The following IMPA2 variants were observed in gnomAD, a reference collection of about 807,000 sequenced individuals.
The protein encoded by IMPA2 is IMP 2.
In IMPA2, 32 loss-of-function variants were observed where a neutral mutation model predicts 35.1. The ratio of observed to expected loss-of-function variants is 0.91; its 90% CI spans 0.69 to 1.23. IMPA2 has a LOEUF of 1.23. Ranked by LOEUF, IMPA2 falls within the 50% of genes most tolerant of loss-of-function variation. The pLI, the probability that IMPA2 is intolerant of heterozygous loss-of-function variation, is 0.00. For synonymous variants in IMPA2, 135 were observed against 160.6 expected, an observed-to-expected ratio of 0.84 and a Z score of 1.20; for missense variants, 334 against 387.6, an observed-to-expected ratio of 0.86 and a Z score of 1.16.
At chr18:11,984,564 A>T (rs987772801) in intron 1 of IMPA2, among the ~76,000 whole-genome samples, 6 of 152,298 alleles carry the variant, frequency 3.9e-5, no homozygotes, top group African/African-American at 4.8e-5. Context: ...ACTTTGCCAG[A>T]TGTGGTGGCT....
chr18:12,016,376 A>G (rs2143813098), intron 5 of IMPA2, among the ~76,000 whole-genome samples: 1 of 150,824 alleles, frequency 6.6e-6, no homozygotes, highest in African/African-American at 2.4e-5. Context: ...CTTCAGCAGC[A>G]CGGTCTCTTG....
intron 1 of IMPA2, among the ~76,000 whole-genome samples, chr18:11,984,621 C>T (rs987611367): frequency 6.6e-6 from 1 of 152,018 alleles, no homozygotes; most frequent in Non-Finnish European, 1.5e-5. Flanking sequence ...TTGTGGATCA[C>T]CTGAGGTCGG....
Position 12,018,670 on chromosome 18 carries a change from T to A in IMPA2, c.490+4297T>A, listed in dbSNP as rs528733812. ...AATAATATATTTTTATGGGAACTAATCATATTTTCCAAAATAAGAAAGCTT... is the reference window on the plus strand; with the variant it reads ...AATAATATATTTTTATGGGAACTAAACATATTTTCCAAAATAAGAAAGCTT... On this transcript the variant is annotated intron_variant, in intron 5 of 7. Transcript: ENST00000269159. Among the ~76,000 whole-genome samples, 130 of 152,320 alleles carry A rather than the reference T, an allele frequency of 8.5e-4. 1 individual carries two copies. The highest frequency in any genetic ancestry group is 1.6e-3 in the Non-Finnish European group (109 of 68,028).
chr18:12,014,355 C>T lies in IMPA2; in HGVS notation c.472C>T (p.Arg158Trp), dbSNP rs147766046. 3.8e-4 allele frequency: 610 copies of T among 1,595,476 alleles called. 2 individuals carry two copies. In the African/African-American group the frequency reaches 6.4e-3, roughly 17 times the overall value. The change falls in exon 5 of 8, where the codon CGG becomes TGG. Residue 158 changes from arginine to tryptophan, a missense_variant. Arg to Trp is a moderately radical substitution (Grantham distance 101). Coordinates refer to ENST00000269159, the MANE Select transcript of IMPA2 (RefSeq NM_014214.3). ...RGAFCNGQRL[R>W]VSGETDLSKA... is the part of the protein sequence containing the mutation. ...CGCCTTCTGCAATGGCCAGCGGCTCCGGGTCTCCGGGGAGACAGGTGGGCT... is the reference window on the plus strand; with the variant it reads ...CGCCTTCTGCAATGGCCAGCGGCTCTGGGTCTCCGGGGAGACAGGTGGGCT...
At chr18:11,988,212 GC>G (rs1427807600) in intron 1 of IMPA2, among the ~76,000 whole-genome samples, 3 of 151,976 alleles carry the variant, frequency 2.0e-5, no homozygotes, top group Non-Finnish European at 4.4e-5. Flanking sequence ...CACCATGTTG[GC>G]CAGGCCAGTC....
rs749002337 is a variant in IMPA2 at position 11,999,071 on chromosome 18, T to C, written c.114T>C (p.Leu38=). ...LRAGQIIRKA[L]TEEKRVSTKT... ...TATTTCAGATCATCAGAAAAGCCCT[T>C]ACTGAGGAAAAACGTGTCTCAACAA... Residue 38 remains leucine, a synonymous_variant, in exon 2 of 8, where the codon CTT becomes CTC. Coordinates refer to ENST00000269159, the MANE Select transcript of IMPA2 (RefSeq NM_014214.3). 16 of 1,613,456 alleles carry C rather than the reference T, an allele frequency of 9.9e-6. No individual in the cohort carries two copies. The East Asian group carries it at 3.6e-4, about 36-fold the overall frequency.
chr18:11,997,493 G>T (rs1433491258), intron 1 of IMPA2, among the ~76,000 whole-genome samples: 6 of 147,978 alleles, frequency 4.1e-5, no homozygotes, highest in Non-Finnish European at 7.5e-5. Flanking sequence ...TGTTTTTTTT[G>T]CAACCAAGAT....
intron 5 of IMPA2, among the ~76,000 whole-genome samples, chr18:12,022,555 ATT>A: frequency 7.2e-6 from 1 of 138,200 alleles, no homozygotes; most frequent in Middle Eastern, 3.8e-3. Context: ...ATATATATAT[ATT>A]TGTGTGTGTG....
At chr18:12,028,226 T>C (rs1715727972) in intron 6 of IMPA2, 75 bp downstream of exon 6, 3 of 888,184 alleles carry the variant, frequency 3.4e-6, no homozygotes, top group East Asian at 2.4e-5. Flanking sequence ...AAAACTCCCC[T>C]GGGATTTGAG....
intron 2 of IMPA2, among the ~76,000 whole-genome samples, chr18:12,006,738 A>G (rs1907257866): frequency 6.6e-6 from 1 of 152,210 alleles, no homozygotes; most frequent in Non-Finnish European, 1.5e-5. Context: ...ATGACTCTGC[A>G]TCCCAGGCAT....
chr18:12,000,981 C>T (rs980133312), intron 2 of IMPA2, among the ~76,000 whole-genome samples: 1 of 151,542 alleles, frequency 6.6e-6, no homozygotes, highest in African/African-American at 2.4e-5. Context: ...CCTGTAATCC[C>T]AGCACTTTGG....
chr18:11,985,728 G>T (rs926639540), intron 1 of IMPA2, among the ~76,000 whole-genome samples: 11 of 152,200 alleles, frequency 7.2e-5, no homozygotes, highest in Middle Eastern at 3.2e-3. Context: ...GTGGGTCGGC[G>T]TGATGGACAG....
At chr18:12,018,324 T>C (rs1157464930) in intron 5 of IMPA2, 1 of 152,364 alleles carries the variant, frequency 6.6e-6, no homozygotes, top group Non-Finnish European at 1.5e-5. Flanking sequence ...TCATGTCCTC[T>C]CTCTGTCACC....
Position 11,999,041 on chromosome 18 carries a change from A to G in IMPA2, c.97-13A>G. ...TTTGCATGTTTAACCCAAATCCCGT[A>G]CTTTTATTTCAGATCATCAGAAAAG... On this transcript the variant is annotated splice_polypyrimidine_tract_variant and intron_variant, in intron 1 of 7. Transcript: ENST00000269159. The G allele has an allele frequency of 6.2e-7, 1 of 1,605,310 alleles. No individual in the cohort carries two copies. Among genetic ancestry groups the G allele is most frequent in the Non-Finnish European group, 8.5e-7 (1 of 1,176,784 alleles).
chr18:12,017,140 A>C (rs148083215), intron 5 of IMPA2, among the ~76,000 whole-genome samples: 1 of 152,246 alleles, frequency 6.6e-6, no homozygotes. Flanking sequence ...AAGGATTAGA[A>C]GAAGGCAAGA....
chr18:11,996,576 G>A (rs577592161), intron 1 of IMPA2, among the ~76,000 whole-genome samples: 2 of 152,236 alleles, frequency 1.3e-5, no homozygotes, highest in African/African-American at 4.8e-5. Flanking sequence ...CCGCTGAGGT[G>A]GAACATCCTG....
chr18:12,026,085 A>C (rs1267449990), intron 5 of IMPA2, among the ~76,000 whole-genome samples: 4 of 147,814 alleles, frequency 2.7e-5, no homozygotes, highest in African/African-American at 1.0e-4. Flanking sequence ...CCCAGGCTGG[A>C]ATGCAATGGT....
rs1907956960 is a variant in IMPA2 at position 12,028,826 on chromosome 18, C to T, written c.600-16C>T. 4 of 1,612,946 alleles carry T rather than the reference C, an allele frequency of 2.5e-6. No individual in the cohort carries two copies. Among genetic ancestry groups the T allele is most frequent in the Non-Finnish European group, 3.4e-6 (4 of 1,179,460 alleles). ...TCCACTCCCGCCTGCATCTGTCCTCCCTTCCCTCTCCCCAGGGTCCGAGTG... is the reference window on the plus strand; with the variant it reads ...TCCACTCCCGCCTGCATCTGTCCTCTCTTCCCTCTCCCCAGGGTCCGAGTG... On this transcript the variant is annotated splice_polypyrimidine_tract_variant and intron_variant, in intron 6 of 7. Transcript: ENST00000269159.
At chr18:11,990,186 G>T (rs1020353741) in intron 1 of IMPA2, among the ~76,000 whole-genome samples, 6 of 152,192 alleles carry the variant, frequency 3.9e-5, no homozygotes, top group Non-Finnish European at 7.3e-5. Flanking sequence ...GAGCGCTGCA[G>T]GAGGCCTTCT....
Sources: gnomAD v4.1 joint callset for allele counts (sites outside exome capture counted in the v4.1 genomes callset) on GRCh38, gnomAD v4.1.1 for gene constraint, MANE v1.5 for transcripts, NCBI Gene and HGNC (gene_info 2026-07-23, HGNC 2026-07-21) for gene names.